The following SGMS1 variants were observed in gnomAD, a reference collection of about 807,000 sequenced individuals.
SGMS1 encodes phosphatidylcholine:ceramide cholinephosphotransferase 1.
Under a neutral mutation model 46.2 loss-of-function variants are expected in SGMS1, and 13 were observed. The ratio of observed to expected loss-of-function variants is 0.28; its 90% CI spans 0.18 to 0.45. The LOEUF (loss-of-function observed/expected upper bound fraction) is 0.45, where lower values mean the gene tolerates loss of function less well. Among genes scored for constraint, SGMS1 ranks in the 20% least tolerant of loss-of-function variants. The pLI, the probability that SGMS1 is intolerant of heterozygous loss-of-function variation, is 1.00. For synonymous variants in SGMS1, 203 were observed against 187.8 expected (o/e 1.08, Z -0.66); for missense variants, 324 against 519.9 (o/e 0.62, Z 3.66).
chr10:50,436,003 T>G (rs1445436797), intron 5 of SGMS1, among the ~76,000 whole-genome samples: 1 of 152,212 alleles, frequency 6.6e-6, no homozygotes, highest in Non-Finnish European at 1.5e-5. Flanking sequence ...TTTGCTATAA[T>G]AGAAAATATT....
chr10:50,586,177 T>C (rs889368822), intron 2 of SGMS1, among the ~76,000 whole-genome samples: 1 of 152,230 alleles, frequency 6.6e-6, no homozygotes, highest in Admixed American at 6.5e-5. Context: ...AGGAACACTT[T>C]CTTATTATAT....
At chr10:50,585,188 T>G (rs1838472347) in intron 2 of SGMS1, among the ~76,000 whole-genome samples, 1 of 152,202 alleles carries the variant, frequency 6.6e-6, no homozygotes. Context: ...ATTCCAAACT[T>G]TATTATCCAA....
chr10:50,580,604 C>T (rs1215793044), intron 2 of SGMS1, among the ~76,000 whole-genome samples: 1 of 152,130 alleles, frequency 6.6e-6, no homozygotes, highest in Non-Finnish European at 1.5e-5. Flanking sequence ...GAGTGGGCAA[C>T]TATAGGGAGA....
At chr10:50,565,038 T>G (rs939174411) in intron 2 of SGMS1, among the ~76,000 whole-genome samples, 4 of 152,178 alleles carry the variant, frequency 2.6e-5, no homozygotes, top group African/African-American at 9.6e-5. Context: ...GGGGGAAGGG[T>G]TAGCAGAAGT....
At chr10:50,327,121 C>G (rs770831446) in intron 8 of SGMS1, 84 bp downstream of exon 8, 2 of 773,414 alleles carry the variant, frequency 2.6e-6, no homozygotes, top group Non-Finnish European at 2.2e-6. Context: ...TCTGAAGAAA[C>G]GTTTTCCTGC....
intron 5 of SGMS1, among the ~76,000 whole-genome samples, chr10:50,450,558 G>C (rs755739939): frequency 2.6e-5 from 4 of 152,054 alleles, no homozygotes; most frequent in Admixed American, 6.5e-5. Flanking sequence ...AGAAGAAAAA[G>C]ATTCCATAAA....
chr10:50,621,952 G>T (rs1007747868), intron 1 of SGMS1, among the ~76,000 whole-genome samples: 1 of 152,284 alleles, frequency 6.6e-6, no homozygotes, highest in African/African-American at 2.4e-5. Context: ...TTTAAGAGGC[G>T]CAGTAAGGAA....
intron 6 of SGMS1, among the ~76,000 whole-genome samples, chr10:50,413,387 C>G (rs1011343792): frequency 1.3e-5 from 2 of 152,206 alleles, no homozygotes; most frequent in African/African-American, 4.8e-5. Flanking sequence ...CAGATTTCAG[C>G]ATACATTAAC....
At chr10:50,371,625 A>G (rs1848437327) in intron 6 of SGMS1, among the ~76,000 whole-genome samples, 1 of 152,156 alleles carries the variant, frequency 6.6e-6, no homozygotes, top group Non-Finnish European at 1.5e-5. Flanking sequence ...CTCCACCTAG[A>G]ACACCTCCAC....
chr10:50,566,821 C>G (rs1302058985), intron 2 of SGMS1, among the ~76,000 whole-genome samples: 1 of 152,164 alleles, frequency 6.6e-6, no homozygotes, highest in East Asian at 1.9e-4. Flanking sequence ...TTGCATATAA[C>G]CTATGTGCAT....
chr10:50,411,751 T>C (rs1038936523), intron 6 of SGMS1, among the ~76,000 whole-genome samples: 8 of 152,232 alleles, frequency 5.3e-5, no homozygotes, highest in East Asian at 1.9e-4. Context: ...TCTGACCCCA[T>C]AGAACTATGC....
At chr10:50,311,473 G>A (rs1847250626) in intron 8 of SGMS1, 58 bp from the exon 9 acceptor site, 1 of 1,504,936 alleles carries the variant, frequency 6.6e-7, no homozygotes, top group Non-Finnish European at 9.0e-7. Context: ...ACATGAAAAT[G>A]TGCGAAGATT....
At chr10:50,604,475 T>C (rs1368524729) in intron 1 of SGMS1, among the ~76,000 whole-genome samples, 1 of 152,258 alleles carries the variant, frequency 6.6e-6, no homozygotes, top group African/African-American at 2.4e-5. Flanking sequence ...AGACGTCTGA[T>C]ACAGTGCCAG....
chr10:50,530,080 A>C (rs188879187), intron 2 of SGMS1, among the ~76,000 whole-genome samples: 2 of 152,318 alleles, frequency 1.3e-5, no homozygotes, highest in Admixed American at 1.3e-4. Flanking sequence ...ATCTCCTGAA[A>C]ACCTGCACAT....
chr10:50,504,965 AC>A (rs1363064122), intron 3 of SGMS1, among the ~76,000 whole-genome samples: 2 of 152,178 alleles, frequency 1.3e-5, no homozygotes, highest in African/African-American at 2.4e-5. Flanking sequence ...CACGCCTGTA[AC>A]CCCAGTACTT....
At chr10:50,592,934 C>T (rs1425768225) in intron 1 of SGMS1, among the ~76,000 whole-genome samples, 6 of 152,194 alleles carry the variant, frequency 3.9e-5, no homozygotes, top group Admixed American at 3.9e-4. Flanking sequence ...TGGTGATATC[C>T]GCCTCCCAGT....
At chr10:50,404,793 C>T (rs1483547495) in intron 6 of SGMS1, among the ~76,000 whole-genome samples, 3 of 151,988 alleles carry the variant, frequency 2.0e-5, no homozygotes, top group East Asian at 1.9e-4. Context: ...AAACACAATC[C>T]CCCCAATGGC....
intron 1 of SGMS1, among the ~76,000 whole-genome samples, chr10:50,618,223 T>A (rs964451823): frequency 8.5e-5 from 13 of 152,144 alleles, no homozygotes; most frequent in African/African-American, 3.1e-4. Flanking sequence ...GAACTTCAAA[T>A]AGAATAAAGC....
At chr10:50,624,223 C>T (rs1008421296), upstream of SGMS1, 11 of 625,800 alleles carry the variant, frequency 1.8e-5, no homozygotes, top group Non-Finnish European at 2.2e-5. Flanking sequence ...TAGCGGGAGC[C>T]AGATTTTACA....
Sources: allele counts gnomAD v4.1 joint callset (sites outside exome capture counted in the v4.1 genomes callset), GRCh38; gene constraint gnomAD v4.1.1; transcripts MANE v1.5; gene names NCBI Gene and HGNC (gene_info 2026-07-23, HGNC 2026-07-21).